IKZF2: variants seen among roughly 807,000 people sequenced by gnomAD.
IKZF2 encodes the protein IKAROS family zinc finger 2.
A neutral mutation model predicts 49.2 loss-of-function variants in IKZF2; 15 were observed. That is an observed-to-expected ratio of 0.30 (90% confidence interval 0.20 to 0.47). The LOEUF is 0.47. Ranked by LOEUF, IKZF2 falls within the 20% of genes least tolerant of loss-of-function variation. The pLI is 1.00. For synonymous variants in IKZF2, 227 were observed against 221.4 expected, an observed-to-expected ratio of 1.03 and a Z score of -0.23; for missense variants, 567 against 664.6, an observed-to-expected ratio of 0.85 and a Z score of 1.61.
intron 6 of IKZF2, among the ~76,000 whole-genome samples, chr2:213,022,819 A>G (rs1697369893): frequency 6.6e-6 from 1 of 152,188 alleles, no homozygotes. Context: ...ACAAAATGAC[A>G]GTAATATTTT....
rs1553539346 is a variant in IKZF2, at chr2:213,005,191, T to TGAG, written c.*2168_*2169insCTC. 1 of 76,786 alleles carries TGAG rather than the reference T, an allele frequency of 1.3e-5. No homozygotes were observed. Among genetic ancestry groups the TGAG allele is most frequent in the African/African-American group, 4.1e-5 (1 of 24,312 alleles). 4.8% of individuals were successfully genotyped at this position (76,786 alleles called of 1,614,324 possible). On this transcript the variant is annotated 3_prime_UTR_variant, in exon 9 of 9. Transcript: ENST00000434687. The stretch of plus-strand genomic sequence containing the variant: ...CAATTATTATTTGGGAGTGGTTGGG[T>TGAG]GGGGGGGGGTGAGCGAGTCTCAAAA...
intron 4 of IKZF2, among the ~76,000 whole-genome samples, chr2:213,079,502 AG>A (rs1238460728): frequency 6.7e-6 from 1 of 149,412 alleles, no homozygotes; most frequent in African/African-American, 2.5e-5. Context: ...AGAAAGAGAG[AG>A]AGAGAAGAAA....
rs893863513 is a variant in IKZF2, at chr2:213,059,404, C to T, written c.140-2305G>A. Reference sequence around the variant, plus strand: ...TCCTGGATTCTATATCTTGCATCAACAGGTTTTTCCATAATCTAAGTAATT... The same window carrying T: ...TCCTGGATTCTATATCTTGCATCAATAGGTTTTTCCATAATCTAAGTAATT... On this transcript the variant is annotated intron_variant, in intron 4 of 8. Transcript: ENST00000434687. 2.0e-5 allele frequency among the ~76,000 whole-genome samples: 3 copies of T among 151,628 alleles called. No individual in the cohort carries two copies. In the South Asian group the frequency reaches 6.2e-4, roughly 31 times the overall value.
chr2:213,000,170 T>C lies in IKZF2; in HGVS notation c.*7190A>G, dbSNP rs571187346. ...ATAGTAAACCTCATTTTCTGAGGTA[T>C]GGTATTTGAGCCTTAAAAAAACTAC... On this transcript the variant is annotated 3_prime_UTR_variant, in exon 9 of 9. Coordinates refer to ENST00000434687, the MANE Select transcript of IKZF2 (RefSeq NM_001387220.1). The C allele has an allele frequency of 8.6e-6, 1 of 116,864 alleles. No homozygotes were observed. The highest frequency in any genetic ancestry group is 3.0e-4 in the South Asian group (1 of 3,318). The allele number at this position is 116,864 out of a possible 1,614,324, so 7.2% of individuals were successfully genotyped here.
chr2:213,123,280 T>C (rs756581096), intron 4 of IKZF2, among the ~76,000 whole-genome samples: 2 of 152,220 alleles, frequency 1.3e-5, no homozygotes, highest in Non-Finnish European at 2.9e-5. Context: ...CATCTCCCTA[T>C]AGCCTTCTTC....
At chr2:213,070,969 A>G (rs1661366933) in intron 4 of IKZF2, among the ~76,000 whole-genome samples, 1 of 152,192 alleles carries the variant, frequency 6.6e-6, no homozygotes, top group African/African-American at 2.4e-5. Flanking sequence ...ACATCTAGTG[A>G]AGGTGCATTT....
At chr2:213,011,809 T>G (rs1388748809) in intron 8 of IKZF2, among the ~76,000 whole-genome samples, 12 of 151,974 alleles carry the variant, frequency 7.9e-5, no homozygotes, top group Non-Finnish European at 7.4e-5. Context: ...ATGTGCAGGC[T>G]GGGGTGCACA....
intron 4 of IKZF2, among the ~76,000 whole-genome samples, chr2:213,134,599 AT>A (rs2060588900): frequency 6.6e-6 from 1 of 152,184 alleles, no homozygotes; most frequent in Non-Finnish European, 1.5e-5. Context: ...TCTAGAATCA[AT>A]CCCTTAGGAC....
At chr2:213,079,422 A>AGGAAGGAT (rs1703655511) in intron 4 of IKZF2, among the ~76,000 whole-genome samples, 1 of 142,560 alleles carries the variant, frequency 7.0e-6, no homozygotes, top group Non-Finnish European at 1.5e-5. Context: ...GAAGCATGGA[A>AGGAAGGAT]GGAAGGAAGG....
chr2:213,057,671 T>C (rs1007304614), intron 4 of IKZF2, among the ~76,000 whole-genome samples: 2 of 152,150 alleles, frequency 1.3e-5, no homozygotes, highest in Non-Finnish European at 2.9e-5. Context: ...TAAACACATA[T>C]ATTCAGTTTC....
intron 6 of IKZF2, among the ~76,000 whole-genome samples, chr2:213,040,026 A>AT (rs1353701507): frequency 6.6e-6 from 1 of 152,090 alleles, no homozygotes; most frequent in African/African-American, 2.4e-5. Flanking sequence ...GGAAATTAAG[A>AT]TTTTTAATTT....
At chr2:213,040,846 A>G (rs372527406) in intron 6 of IKZF2, among the ~76,000 whole-genome samples, 6 of 152,194 alleles carry the variant, frequency 3.9e-5, no homozygotes, top group Non-Finnish European at 7.4e-5. Flanking sequence ...GGGTGGGCGC[A>G]GTGGCTCACG....
At chr2:213,063,524 C>G (rs1004536047) in intron 4 of IKZF2, among the ~76,000 whole-genome samples, 3 of 151,818 alleles carry the variant, frequency 2.0e-5, no homozygotes, top group African/African-American at 7.2e-5. Context: ...AAAATAATCT[C>G]TGGTAGACTA....
chr2:213,032,456 A>G (rs1698545046), intron 6 of IKZF2, among the ~76,000 whole-genome samples: 1 of 152,202 alleles, frequency 6.6e-6, no homozygotes, highest in South Asian at 2.1e-4. Flanking sequence ...TAAAGAGGCC[A>G]GGTGCAGTGG....
chr2:213,052,474 A>G (rs1467115255), intron 5 of IKZF2, among the ~76,000 whole-genome samples: 1 of 152,004 alleles, frequency 6.6e-6, no homozygotes, highest in East Asian at 1.9e-4. Context: ...TTACATTTGG[A>G]TACTAATTTT....
Position 213,025,408 on chromosome 2 carries a change from C to T in IKZF2, c.575-3278G>A, listed in dbSNP as rs1238647744. Reference sequence around the variant, plus strand: ...GTGAATCCCTTCCCTACAACCAAAACGAAGAGCATCAGGACATAGCTGTCT... The same window carrying T: ...GTGAATCCCTTCCCTACAACCAAAATGAAGAGCATCAGGACATAGCTGTCT... On this transcript the variant is annotated intron_variant, in intron 6 of 8. Transcript: ENST00000434687. Among the ~76,000 whole-genome samples the T allele has an allele frequency of 2.6e-5, 4 of 152,100 alleles. No homozygotes were observed. In the South Asian group the frequency reaches 6.2e-4, roughly 24 times the overall value.
chr2:213,105,571 T>C (rs566629539), intron 4 of IKZF2, among the ~76,000 whole-genome samples: 9 of 106,364 alleles, frequency 8.5e-5, no homozygotes, highest in Non-Finnish European at 8.8e-5. Context: ...TTTAAAGAAG[T>C]GTAGTGTGTG....
intron 4 of IKZF2, among the ~76,000 whole-genome samples, chr2:213,139,649 T>C (rs1436045588): frequency 6.6e-6 from 1 of 151,994 alleles, no homozygotes; most frequent in Non-Finnish European, 1.5e-5. Flanking sequence ...CTGTTTAATG[T>C]CAGTCAACCT....
chr2:213,133,074 C>T (rs920526434), intron 4 of IKZF2, among the ~76,000 whole-genome samples: 5 of 152,144 alleles, frequency 3.3e-5, no homozygotes, highest in African/African-American at 9.7e-5. Flanking sequence ...TGATTAAAAG[C>T]GGACTAAAAG....
Sources: gnomAD v4.1 joint callset for allele counts (sites outside exome capture counted in the v4.1 genomes callset) on GRCh38, gnomAD v4.1.1 for gene constraint, MANE v1.5 for transcripts, NCBI Gene and HGNC (gene_info 2026-07-23, HGNC 2026-07-21) for gene names.